OPCML: variants seen among roughly 807,000 people sequenced by gnomAD.
OPCML encodes the protein opioid binding protein/cell adhesion molecule like.
OPCML carries 13 observed loss-of-function variants against 37.8 expected under a neutral mutation model. The ratio of observed to expected loss-of-function variants is 0.34; its 90% CI spans 0.22 to 0.55. The LOEUF is 0.55. Among genes scored for constraint, OPCML ranks in the 20% least tolerant of loss-of-function variants. The pLI is 0.91. For missense variants in OPCML, 341 were observed against 435.6 expected (o/e 0.78, Z 1.93); for synonymous variants, 176 against 168.8 (o/e 1.04, Z -0.33).
chr11:132,993,789 C>A (rs1413698587), intron 1 of OPCML, among the ~76,000 whole-genome samples: 2 of 152,182 alleles, frequency 1.3e-5, no homozygotes, highest in African/African-American at 4.8e-5. Context: ...CGGATCATTT[C>A]TAGACATTGA....
chr11:133,118,585 C>T (rs924934462), intron 1 of OPCML, among the ~76,000 whole-genome samples: 3 of 151,838 alleles, frequency 2.0e-5, no homozygotes, highest in African/African-American at 4.8e-5. Flanking sequence ...TCCTAGAGGC[C>T]GCATGTATGG....
chr11:133,145,855 G>T (rs1949889944), intron 1 of OPCML, among the ~76,000 whole-genome samples: 1 of 152,144 alleles, frequency 6.6e-6, no homozygotes, highest in Non-Finnish European at 1.5e-5. Flanking sequence ...GCAAACAAAA[G>T]ATCTGGAAGT....
intron 1 of OPCML, among the ~76,000 whole-genome samples, chr11:133,112,110 A>G (rs1043647702): frequency 6.6e-6 from 1 of 152,096 alleles, no homozygotes; most frequent in Non-Finnish European, 1.5e-5. Context: ...TACTTTTATT[A>G]TCCTACTTTG....
chr11:132,759,907 T>C (rs2136093961), intron 2 of OPCML, among the ~76,000 whole-genome samples: 1 of 152,324 alleles, frequency 6.6e-6, no homozygotes, highest in Non-Finnish European at 1.5e-5. Context: ...CAATTTTAGA[T>C]CTTTCCCGCT....
At chr11:132,716,412 GTCTATCTATCTATCTATCTA>G (rs61519269) in intron 2 of OPCML, among the ~76,000 whole-genome samples, 8 of 103,968 alleles carry the variant, frequency 7.7e-5, no homozygotes, top group African/African-American at 2.2e-4. Flanking sequence ...CTATCTGTCT[GTCTATCTATCTATCTATCTA>G]TCTATCTATC....
chr11:132,562,940 A>C (rs2096413794), intron 3 of OPCML, among the ~76,000 whole-genome samples: 1 of 152,174 alleles, frequency 6.6e-6, no homozygotes, highest in Non-Finnish European at 1.5e-5. Flanking sequence ...TGAGCTCAGC[A>C]AGTGTAGATA....
rs1939341971 is a variant in OPCML, at chr11:133,211,179, T to C, written c.62-268169A>G. On this transcript the variant is annotated intron_variant, in intron 1 of 7. Coordinates refer to ENST00000524381, the MANE Select transcript of OPCML (RefSeq NM_001012393.5). The surrounding 1 kb of genome is among the most constrained non-coding windows in gnomAD (Gnocchi z 4.1). ...AATCAAATATTTCTGCAAATTCTGA[T>C]GATTTAATGTACTCATTTCCCTCAG... Among the ~76,000 whole-genome samples the C allele has an allele frequency of 6.6e-6, 1 of 152,046 alleles. No individual in the cohort carries two copies. The highest frequency in any genetic ancestry group is 2.4e-5 in the African/African-American group (1 of 41,410).
chr11:132,496,064 G>T (rs1027550981), intron 4 of OPCML, among the ~76,000 whole-genome samples: 11 of 152,146 alleles, frequency 7.2e-5, no homozygotes, highest in African/African-American at 2.7e-4. Flanking sequence ...ACAGTGTTGG[G>T]CAGGTCTTCT....
chr11:132,564,848 G>A (rs1176966238), intron 3 of OPCML, among the ~76,000 whole-genome samples: 1 of 152,190 alleles, frequency 6.6e-6, no homozygotes, highest in African/African-American at 2.4e-5. Flanking sequence ...ATGGTAGACA[G>A]AAAACATGTA....
chr11:133,064,221 C>A (rs915103934), intron 1 of OPCML, among the ~76,000 whole-genome samples: 10 of 152,156 alleles, frequency 6.6e-5, no homozygotes, highest in Admixed American at 5.9e-4. Flanking sequence ...CCGACCCCAG[C>A]GCAACCCAGC....
chr11:132,584,326 G>A (rs2096468017), intron 3 of OPCML, among the ~76,000 whole-genome samples: 1 of 152,100 alleles, frequency 6.6e-6, no homozygotes, highest in South Asian at 2.1e-4. Context: ...AGGAGACCTA[G>A]ATACAGGGAA....
At chr11:133,273,794 C>T (rs961318750) in intron 1 of OPCML, among the ~76,000 whole-genome samples, 9 of 152,028 alleles carry the variant, frequency 5.9e-5, no homozygotes, top group South Asian at 2.1e-4. Context: ...AGGGAATTGT[C>T]GCATTGCAAG....
At chr11:133,525,478 C>T (rs74920125) in intron 1 of OPCML, among the ~76,000 whole-genome samples, 4,364 of 152,204 alleles carry the variant, frequency 0.029, 215 homozygotes, top group African/African-American at 0.099. Context: ...TGAAGTGTTT[C>T]GAAGTCTATT....
intron 3 of OPCML, among the ~76,000 whole-genome samples, chr11:132,650,279 C>A (rs1231061519): frequency 2.0e-5 from 3 of 152,144 alleles, no homozygotes; most frequent in African/African-American, 2.4e-5. Context: ...CAAAAGACTG[C>A]GATTACTTTC....
chr11:133,238,722 T>G lies in OPCML; in HGVS notation c.61+293542A>C, dbSNP rs536011685. ...CCGAGTCATAAAGCAATGTTTCCATTTAAGCCCAGACTCTCATCAGAGGCT... is the reference window on the plus strand; with the variant it reads ...CCGAGTCATAAAGCAATGTTTCCATGTAAGCCCAGACTCTCATCAGAGGCT... On this transcript the variant is annotated intron_variant, in intron 1 of 7. Coordinates refer to ENST00000524381, the MANE Select transcript of OPCML (RefSeq NM_001012393.5). Among the ~76,000 whole-genome samples, 23 of 152,280 alleles carry G rather than the reference T, an allele frequency of 1.5e-4. No individual in the cohort carries two copies. The South Asian group carries it at 4.6e-3, about 30-fold the overall frequency.
chr11:133,071,288 G>GTGTATGTGTA (rs2137010102), intron 1 of OPCML, among the ~76,000 whole-genome samples: 1 of 152,284 alleles, frequency 6.6e-6, no homozygotes, highest in South Asian at 2.1e-4. Context: ...GTGTATGTGT[G>GTGTATGTGTA]TGTGTGTTTC....
chr11:132,683,723 G>A (rs1943049506), intron 2 of OPCML, among the ~76,000 whole-genome samples: 1 of 152,156 alleles, frequency 6.6e-6, no homozygotes, highest in East Asian at 1.9e-4. Context: ...AGAATGTGCT[G>A]TCATTCAGAG....
intron 1 of OPCML, among the ~76,000 whole-genome samples, chr11:133,140,587 A>AG (rs1949764211): frequency 7.6e-6 from 1 of 131,786 alleles, no homozygotes; most frequent in Admixed American, 8.1e-5. Context: ...AAAGAAGAAA[A>AG]AAGAAAGAAG....
At chr11:133,038,979 C>T (rs907608093) in intron 1 of OPCML, among the ~76,000 whole-genome samples, 2 of 152,154 alleles carry the variant, frequency 1.3e-5, no homozygotes, top group South Asian at 4.1e-4. Flanking sequence ...TCAGCGGGAC[C>T]CACACCTGTC....
Sources: allele counts gnomAD v4.1 joint callset (sites outside exome capture counted in the v4.1 genomes callset), GRCh38; gene constraint gnomAD v4.1.1; non-coding constraint Gnocchi (gnomAD v3.1); transcripts MANE v1.5; gene names NCBI Gene and HGNC (gene_info 2026-07-23, HGNC 2026-07-21).